The following C1QTNF7 variants were observed in gnomAD, a reference collection of about 807,000 sequenced individuals.
C1QTNF7 encodes the protein C1q and TNF related 7, also known as complement C1q tumor necrosis factor-related protein 7.
C1QTNF7 carries 15 observed loss-of-function variants against 19.6 expected under a neutral mutation model. The ratio of observed to expected loss-of-function variants is 0.76; its 90% CI spans 0.51 to 1.18. The LOEUF is 1.18. Among genes scored for constraint, C1QTNF7 ranks in the 50% most tolerant of loss-of-function variants. The probability of loss-of-function intolerance (pLI) is 0.00; values close to 1 mark genes in which losing one functional copy is unlikely to be tolerated. For synonymous variants in C1QTNF7, 142 were observed against 137.5 expected (o/e 1.03, Z -0.23); for missense variants, 324 against 359.7 (o/e 0.90, Z 0.80).
chr4:15,410,431 T>C (rs1246506427), intron 1 of C1QTNF7, among the ~76,000 whole-genome samples: 1 of 152,194 alleles, frequency 6.6e-6, no homozygotes, highest in African/African-American at 2.4e-5. Flanking sequence ...CTCTCAATGT[T>C]TCTCTTAACA....
upstream of C1QTNF7, among the ~76,000 whole-genome samples, chr4:15,426,839 G>A (rs1712074673): frequency 1.3e-5 from 2 of 152,160 alleles, no homozygotes. Flanking sequence ...GTAAATGGGT[G>A]ACATCAGACA....
intron 1 of C1QTNF7, among the ~76,000 whole-genome samples, chr4:15,416,387 C>A (rs1043179255): frequency 1.3e-5 from 2 of 152,226 alleles, no homozygotes; most frequent in Non-Finnish European, 2.9e-5. Context: ...CTCGGTTCAA[C>A]TCCCTCTGTT....
intron 1 of C1QTNF7, among the ~76,000 whole-genome samples, chr4:15,359,409 A>G (rs1052534357): frequency 2.6e-5 from 4 of 152,080 alleles, no homozygotes; most frequent in Admixed American, 2.6e-4. Context: ...ATGTCTGGGA[A>G]CTCAATGGGT....
intron 1 of C1QTNF7, among the ~76,000 whole-genome samples, chr4:15,394,751 T>A (rs1282646452): frequency 6.6e-6 from 1 of 152,186 alleles, no homozygotes; most frequent in Non-Finnish European, 1.5e-5. Context: ...ATTTTGGGGA[T>A]CACAGGAGAG....
intron 1 of C1QTNF7, among the ~76,000 whole-genome samples, chr4:15,422,370 C>T (rs1433009872): frequency 4.1e-4 from 63 of 151,954 alleles, no homozygotes; most frequent in Non-Finnish European, 1.5e-4. Context: ...CCTATTTTCC[C>T]CAGGGCAGAA....
intron 1 of C1QTNF7, among the ~76,000 whole-genome samples, chr4:15,378,221 C>G (rs1242284291): frequency 6.6e-6 from 1 of 152,166 alleles, no homozygotes; most frequent in Non-Finnish European, 1.5e-5. Flanking sequence ...CAAAACGAAA[C>G]AAAGCCATGA....
intron 1 of C1QTNF7, among the ~76,000 whole-genome samples, chr4:15,349,638 A>G: frequency 6.6e-6 from 1 of 152,196 alleles, no homozygotes; most frequent in Non-Finnish European, 1.5e-5. Flanking sequence ...TTGCAGACTT[A>G]AAGTGACCCG....
intron 1 of C1QTNF7, among the ~76,000 whole-genome samples, chr4:15,347,710 A>G (rs1716767807): frequency 6.6e-6 from 1 of 152,216 alleles, no homozygotes; most frequent in Non-Finnish European, 1.5e-5. Flanking sequence ...GATATTTTCC[A>G]GGGCCACTCT....
chr4:15,360,195 T>G (rs1407204259), intron 1 of C1QTNF7, among the ~76,000 whole-genome samples: 1 of 146,130 alleles, frequency 6.8e-6, no homozygotes, highest in African/African-American at 2.6e-5. Flanking sequence ...GGAGACCAGG[T>G]GTTTAAGAGT....
At chr4:15,421,974 GA>G (rs1354487828) in intron 1 of C1QTNF7, among the ~76,000 whole-genome samples, 3 of 152,026 alleles carry the variant, frequency 2.0e-5, no homozygotes, top group Admixed American at 6.6e-5. Flanking sequence ...TGACACTCTG[GA>G]AAAGGCAAAA....
intron 1 of C1QTNF7, among the ~76,000 whole-genome samples, chr4:15,363,299 T>G (rs572646057): frequency 6.6e-6 from 1 of 152,084 alleles, no homozygotes; most frequent in Admixed American, 6.6e-5. Flanking sequence ...TTCTTTTTTT[T>G]AAAGACATGT....
intron 1 of C1QTNF7, among the ~76,000 whole-genome samples, chr4:15,346,304 G>A (rs779654332): frequency 6.6e-6 from 1 of 152,242 alleles, no homozygotes; most frequent in East Asian, 1.9e-4. Flanking sequence ...CCAAGTAGAG[G>A]AGAGAAAATT....
At chr4:15,416,542 A>G (rs1272793637) in intron 1 of C1QTNF7, among the ~76,000 whole-genome samples, 1 of 152,198 alleles carries the variant, frequency 6.6e-6, no homozygotes, top group Non-Finnish European at 1.5e-5. Flanking sequence ...GGGGCCTCTC[A>G]GTAGGGTAGG....
intron 1 of C1QTNF7, among the ~76,000 whole-genome samples, chr4:15,422,210 T>TAAAAAAAAA (rs199592000): frequency 1.4e-5 from 2 of 142,828 alleles, no homozygotes; most frequent in South Asian, 4.4e-4. Flanking sequence ...TGTTTTTTTT[T>TAAAAAAAAA]AAAAAAAAAA....
intron 1 of C1QTNF7, among the ~76,000 whole-genome samples, chr4:15,414,716 A>G (rs948561258): frequency 1.3e-5 from 2 of 152,194 alleles, no homozygotes; most frequent in Non-Finnish European, 2.9e-5. Flanking sequence ...CAAAACTCTC[A>G]GTAGAACCTT....
At chr4:15,393,010 A>C (rs2108900892) in intron 1 of C1QTNF7, among the ~76,000 whole-genome samples, 1 of 152,286 alleles carries the variant, frequency 6.6e-6, no homozygotes, top group South Asian at 2.1e-4. Flanking sequence ...GTAGCTCCCA[A>C]AATTTCCACG....
At chr4:15,424,589 C>T (rs1006077202), upstream of C1QTNF7, among the ~76,000 whole-genome samples, 5 of 152,182 alleles carry the variant, frequency 3.3e-5, no homozygotes, top group South Asian at 2.1e-4. Context: ...AGTCCCATCA[C>T]GATGGCCCCA....
At chr4:15,404,082 C>T (rs535076586) in intron 1 of C1QTNF7, among the ~76,000 whole-genome samples, 5 of 152,132 alleles carry the variant, frequency 3.3e-5, no homozygotes, top group African/African-American at 1.2e-4. Flanking sequence ...AATGGATTCA[C>T]CTTAGTTTAT....
intron 1 of C1QTNF7, among the ~76,000 whole-genome samples, chr4:15,418,871 C>A (rs1402547291): frequency 6.6e-6 from 1 of 152,188 alleles, no homozygotes; most frequent in African/African-American, 2.4e-5. Context: ...CTGCCCAGAG[C>A]CCCTGGCTGA....
Sources: allele counts gnomAD v4.1 joint callset (sites outside exome capture counted in the v4.1 genomes callset), GRCh38; gene constraint gnomAD v4.1.1; transcripts MANE v1.5; gene names NCBI Gene and HGNC (gene_info 2026-07-23, HGNC 2026-07-21).